RHOT1: variants seen among roughly 807,000 people sequenced by gnomAD.
The protein encoded by RHOT1 is ras homolog family member T1.
Under a neutral mutation model 95.3 loss-of-function variants are expected in RHOT1, and 27 were observed. The observed-to-expected ratio is 0.28, with a 90% CI of 0.21 to 0.39. The LOEUF (loss-of-function observed/expected upper bound fraction) is 0.39, where lower values mean the gene tolerates loss of function less well. Ranked by LOEUF, RHOT1 falls within the 10% of genes least tolerant of loss-of-function variation. The pLI, the probability that RHOT1 is intolerant of heterozygous loss-of-function variation, is 1.00. For missense variants in RHOT1, 578 were observed against 786.7 expected (o/e 0.73, Z 3.17); for synonymous variants, 227 against 263.5 (o/e 0.86, Z 1.34).
chr17:32,206,564 G>T (rs2037767003), intron 16 of RHOT1, among the ~76,000 whole-genome samples: 1 of 144,234 alleles, frequency 6.9e-6, no homozygotes, highest in Non-Finnish European at 1.5e-5. Context: ...CCATTCTCCT[G>T]CCTCAGCCTC....
At chr17:32,223,090 A>G (rs540444072) in intron 19 of RHOT1, among the ~76,000 whole-genome samples, 1 of 151,090 alleles carries the variant, frequency 6.6e-6, no homozygotes, top group Admixed American at 6.6e-5. Flanking sequence ...TTTTTTTTTT[A>G]AATAGAAACT....
rs554277841 is a variant in RHOT1, at chr17:32,222,977, T to C, written c.1863-1639T>C. The C allele has an allele frequency of 1.5e-5, 10 of 679,556 alleles. 1 individual carries two copies. The South Asian group carries it at 5.9e-4, about 40-fold the overall frequency. 42.1% of individuals were successfully genotyped at this position (679,556 alleles called of 1,614,324 possible). ...ACCTAAGCATTTTCTTCTCTGACTT[T>C]TTTTTTAATAAAATGCTGCCTGTTG... On this transcript the variant is annotated intron_variant, in intron 19 of 19. Coordinates refer to ENST00000545287, the MANE Select transcript of RHOT1 (RefSeq NM_001033566.3).
chr17:32,167,760 A>T (rs535320983), intron 1 of RHOT1, among the ~76,000 whole-genome samples: 1 of 152,302 alleles, frequency 6.6e-6, no homozygotes, highest in South Asian at 2.1e-4. Flanking sequence ...CTACATCGAA[A>T]ATCTTGGTTG....
intron 10 of RHOT1, 21 bp downstream of exon 10, chr17:32,193,265 C>T (rs1567702457): frequency 2.0e-6 from 3 of 1,505,820 alleles, no homozygotes; most frequent in African/African-American, 1.4e-5. Context: ...GGTATTTTTC[C>T]CCCTTTTGAA....
chr17:32,222,231 T>C (rs16967192), intron 19 of RHOT1, among the ~76,000 whole-genome samples: 6,208 of 152,306 alleles, frequency 0.041, 425 homozygotes, highest in African/African-American at 0.14. Context: ...GACTTGGAGT[T>C]GTAAACTTCT....
intron 1 of RHOT1, among the ~76,000 whole-genome samples, chr17:32,146,331 TAAAA>T (rs1358906872): frequency 6.6e-6 from 1 of 152,314 alleles, no homozygotes; most frequent in Non-Finnish European, 1.5e-5. Flanking sequence ...AGGTATTTCT[TAAAA>T]GAATGAATGA....
chr17:32,145,032 C>T (rs1170740678), intron 1 of RHOT1, among the ~76,000 whole-genome samples: 1 of 152,038 alleles, frequency 6.6e-6, no homozygotes. Context: ...CACAGTAGCT[C>T]ATGCCTGTAA....
chr17:32,204,482 G>A (rs1252437002), intron 16 of RHOT1, among the ~76,000 whole-genome samples: 1 of 151,082 alleles, frequency 6.6e-6, no homozygotes, highest in Non-Finnish European at 1.5e-5. Context: ...CCCAGGAGGT[G>A]GAGGTTGTGG....
intron 1 of RHOT1, among the ~76,000 whole-genome samples, chr17:32,145,064 A>G (rs1409540790): frequency 1.3e-5 from 2 of 152,176 alleles, no homozygotes; most frequent in East Asian, 3.8e-4. Flanking sequence ...TGGGAGGCCA[A>G]AGTGGGCAGA....
chr17:32,219,333 G>A (rs1032184919), intron 19 of RHOT1, among the ~76,000 whole-genome samples: 1 of 152,072 alleles, frequency 6.6e-6, no homozygotes, highest in Non-Finnish European at 1.5e-5. Flanking sequence ...CCGCTATGTT[G>A]CCCAGGCTGG....
At chr17:32,206,712 CA>C (rs2037778102) in intron 16 of RHOT1, among the ~76,000 whole-genome samples, 197 bp from the exon 17 acceptor site, 2 of 152,028 alleles carry the variant, frequency 1.3e-5, no homozygotes, top group Admixed American at 1.3e-4. Flanking sequence ...CTCGGCCTCC[CA>C]AAGTGCTGGG....
intron 8 of RHOT1, among the ~76,000 whole-genome samples, chr17:32,183,834 C>G (rs2035826965): frequency 6.6e-6 from 1 of 152,064 alleles, no homozygotes; most frequent in African/African-American, 2.4e-5. Context: ...CACAGGCATG[C>G]GCCACCATGC....
At chr17:32,206,222 T>TTTTTTTA (rs2037718133) in intron 16 of RHOT1, among the ~76,000 whole-genome samples, 1 of 124,660 alleles carries the variant, frequency 8.0e-6, no homozygotes, top group Non-Finnish European at 1.7e-5. Context: ...TTTTTTTTTT[T>TTTTTTTA]GAGACAAGGT....
intron 1 of RHOT1, among the ~76,000 whole-genome samples, chr17:32,147,585 G>T (rs2031554058): frequency 6.6e-6 from 1 of 152,148 alleles, no homozygotes; most frequent in East Asian, 1.9e-4. Flanking sequence ...CACTTTGGGA[G>T]GCCAAGGTGG....
chr17:32,154,408 G>A (rs113741439), intron 1 of RHOT1, among the ~76,000 whole-genome samples: 1,624 of 150,196 alleles, frequency 0.011, 32 homozygotes, highest in African/African-American at 0.037. Flanking sequence ...GTGAAACTCC[G>A]TCTCTACTAA....
At chr17:32,219,800 A>G (rs906194774) in intron 19 of RHOT1, among the ~76,000 whole-genome samples, 1 of 152,170 alleles carries the variant, frequency 6.6e-6, no homozygotes. Flanking sequence ...AGCTCTAACA[A>G]ACTGCGAATG....
rs1435819442 is a variant in RHOT1 at position 32,142,535 on chromosome 17, G to A, written c.-158G>A. On this transcript the variant is annotated 5_prime_UTR_variant, in exon 1 of 20. Coordinates refer to ENST00000545287, the MANE Select transcript of RHOT1 (RefSeq NM_001033566.3). ...CTGGGCCGGAGGAGGCGGAGCTGGC[G>A]CTGTCCCGGCTCTCTTGCGGGGAAG... is the stretch of plus-strand genomic sequence containing the variant. The A allele has an allele frequency of 3.8e-6, 2 of 532,096 alleles. No homozygotes were observed. Among genetic ancestry groups the A allele is most frequent in the Non-Finnish European group, 6.1e-6 (2 of 329,928 alleles). 33.0% of individuals were successfully genotyped at this position (532,096 alleles called of 1,614,324 possible).
chr17:32,211,965 ATTC>A (rs1567726744), intron 19 of RHOT1, among the ~76,000 whole-genome samples: 1 of 152,230 alleles, frequency 6.6e-6, no homozygotes, highest in African/African-American at 2.4e-5. Context: ...GGAAGGTTGT[ATTC>A]TTATGCTGAT....
At chr17:32,198,826 C>T (rs1450140014) in intron 11 of RHOT1, 121 bp from the exon 12 acceptor site, 1 of 654,100 alleles carries the variant, frequency 1.5e-6, no homozygotes, top group African/African-American at 1.8e-5. Context: ...TAAATGATAC[C>T]AAGTGAAGAT....
Sources: gnomAD v4.1 joint callset for allele counts (sites outside exome capture counted in the v4.1 genomes callset) on GRCh38, gnomAD v4.1.1 for gene constraint, MANE v1.5 for transcripts, NCBI Gene and HGNC (gene_info 2026-07-23, HGNC 2026-07-21) for gene names.